Variants in ARFGAP1 observed in about 807,000 individuals in gnomAD.
The protein encoded by ARFGAP1 is ADP-ribosylation factor GTPase-activating protein 1.
In ARFGAP1, 26 loss-of-function variants were observed where a neutral mutation model predicts 54.0. That is an observed-to-expected ratio of 0.48 (90% CI 0.35 to 0.67). ARFGAP1 has a LOEUF of 0.67. Ranked by LOEUF, ARFGAP1 falls within the 30% of genes least tolerant of loss-of-function variation. The pLI, the probability that ARFGAP1 is intolerant of heterozygous loss-of-function variation, is 0.00. For synonymous variants in ARFGAP1, 248 were observed against 211.9 expected, an observed-to-expected ratio of 1.17 and a Z score of -1.48; for missense variants, 525 against 535.8, an observed-to-expected ratio of 0.98 and a Z score of 0.20.
chr20:63,278,947 G>A lies in ARFGAP1; in HGVS notation c.579G>A (p.Gln193=), dbSNP rs1352946546. 3.1e-6 allele frequency: 5 copies of A among 1,614,134 alleles called. No individual in the cohort carries two copies. In the South Asian group the frequency reaches 4.4e-5, roughly 14 times the overall value. ...YVGFGNTPPP[Q]KKEDDFLNNA... is the part of the protein sequence containing the mutation. ...GGTTTGGGAACACGCCACCGCCTCA[G>A]AAGAAAGAAGATGACTTCCTCAACA... The change falls in exon 7 of 13, where the codon CAG becomes CAA. Residue 193 remains glutamine (Q), a synonymous_variant. Transcript: ENST00000370283.
rs989860261 is a variant in ARFGAP1, at chr20:63,276,147, C to A, written c.117C>A (p.Ile39=). 2 of 1,613,968 alleles carry A rather than the reference C, an allele frequency of 1.2e-6. No individual in the cohort carries two copies. The highest frequency in any genetic ancestry group is 2.7e-5 in the African/African-American group (2 of 74,936). The change falls in exon 3 of 13, where the codon ATC becomes ATA. Residue 39 remains isoleucine (I), a synonymous_variant. Transcript: ENST00000370283. The surrounding 1 kb of genome is among the most constrained non-coding windows in gnomAD (Gnocchi z 5.2). ...AGTGGGTCAGTGTGACCTACGGCAT[C>A]TGGATCTGCCTGGAGTGCTCGGGGA... The part of the protein sequence containing the change: ...NPQWVSVTYG[I]WICLECSGRH...
Position 63,287,606 on chromosome 20 carries a change from C to T in ARFGAP1, c.954C>T (p.His318=), listed in dbSNP as rs1332305400. The T allele has an allele frequency of 1.2e-6, 2 of 1,611,218 alleles. No homozygotes were observed. Among genetic ancestry groups the T allele is most frequent in the Admixed American group, 1.7e-5 (1 of 59,912 alleles). Residue 318 remains histidine, a synonymous_variant, in exon 13 of 13, where the codon CAC becomes CAT. Transcript: ENST00000370283. ...GHSYQNSGLD[H]FQNSNIDQSF... is the part of the protein sequence containing the mutation. ...GTTATCAGAACAGCGGTCTGGACCA[C>T]TTCCAAAACAGCAACATAGACCAGA...
Position 63,276,799 on chromosome 20 carries a change from G to C in ARFGAP1, c.342+148G>C. On this transcript the variant is annotated intron_variant, in intron 4 of 12. Coordinates refer to ENST00000370283, the MANE Select transcript of ARFGAP1 (RefSeq NM_018209.4). The surrounding 1 kb of genome is among the most constrained non-coding windows in gnomAD (Gnocchi z 5.2). ...GGGCCACACACAACTTGCCGCCCTG[G>C]AGCAGAGGCTTCCTGCCCAGAGGGG... The C allele has an allele frequency of 1.1e-6, 1 of 941,622 alleles. No homozygotes were observed. Among genetic ancestry groups the C allele is most frequent in the Non-Finnish European group, 1.5e-6 (1 of 652,082 alleles). The allele number at this position is 941,622 out of a possible 1,614,324, so 58.3% of individuals were successfully genotyped here. A position where few individuals can be genotyped will look rare whatever the true frequency, so the allele number is the denominator to read the frequency against.
At chr20:63,284,367 CCGTGT>C in intron 9 of ARFGAP1, 1 of 1,063,294 alleles carries the variant, frequency 9.4e-7, no homozygotes. Flanking sequence ...CCCCAGGTGG[CCGTGT>C]GGCCTCGACT....
chr20:63,279,684 G>C (rs1020400611), intron 7 of ARFGAP1, among the ~76,000 whole-genome samples: 1 of 152,182 alleles, frequency 6.6e-6, no homozygotes, highest in Non-Finnish European at 1.5e-5. Context: ...AGTTGCTCGG[G>C]TGCTGCCTGA....
At chr20:63,284,146 AC>A in intron 9 of ARFGAP1, 1 of 1,324,160 alleles carries the variant, frequency 7.6e-7, no homozygotes, top group Non-Finnish European at 9.6e-7. Flanking sequence ...AAACACACAG[AC>A]CCCCAACGCA....
chr20:63,276,033 T>G lies in ARFGAP1; in HGVS notation c.61-58T>G, dbSNP rs2067227187. 2.6e-6 allele frequency: 4 copies of G among 1,535,296 alleles called. No homozygotes were observed. The Admixed American group carries it at 6.7e-5, about 26-fold the overall frequency. ...TCCTTGAGGCCACCTGTCGGGTCTT[T>G]GGGGTCCCTGGGCTCTGCCCTGAGC... On this transcript the variant is annotated intron_variant, in intron 2 of 12. Coordinates refer to ENST00000370283, the MANE Select transcript of ARFGAP1 (RefSeq NM_018209.4). The surrounding 1 kb of genome is among the most constrained non-coding windows in gnomAD (Gnocchi z 5.2).
At chr20:63,285,844 G>A (rs2067521477) in intron 11 of ARFGAP1, 131 bp downstream of exon 11, 6 of 1,462,402 alleles carry the variant, frequency 4.1e-6, no homozygotes, top group Non-Finnish European at 5.6e-6. Context: ...CCTCTGAGAC[G>A]GGAGGAGAGC....
At chr20:63,281,242 G>C (rs761726194) in intron 7 of ARFGAP1, 49 bp from the exon 8 acceptor site, 1 of 1,557,742 alleles carries the variant, frequency 6.4e-7, no homozygotes, top group Admixed American at 1.9e-5. Flanking sequence ...TCAGCGCCGG[G>C]TTCCTGGGTC....
At chr20:63,281,179 G>A (rs1158267370) in intron 7 of ARFGAP1, 112 bp from the exon 8 acceptor site, 11 of 1,175,254 alleles carry the variant, frequency 9.4e-6, no homozygotes, top group East Asian at 7.8e-5. Flanking sequence ...AGGATGGGAC[G>A]GGGGCCTGGG....
intron 9 of ARFGAP1, chr20:63,284,112 A>G (rs1396758794): frequency 1.5e-6 from 2 of 1,333,110 alleles, no homozygotes; most frequent in Non-Finnish European, 1.9e-6. Flanking sequence ...CCCCCCGGGC[A>G]AAAAAATGAG....
chr20:63,276,755 T>G lies in ARFGAP1; in HGVS notation c.342+104T>G. Reference sequence around the variant, plus strand: ...GTGGTTCTGGAGTCGGTTCTTCTGCTGGTTCTGACACACCCACTGGGCCAC... The same window carrying G: ...GTGGTTCTGGAGTCGGTTCTTCTGCGGGTTCTGACACACCCACTGGGCCAC... On this transcript the variant is annotated intron_variant, in intron 4 of 12. Coordinates refer to ENST00000370283, the MANE Select transcript of ARFGAP1 (RefSeq NM_018209.4). This position sits in a 1 kb window ranked among gnomAD's most constrained non-coding sequence, Gnocchi z 5.2. 1 of 1,321,922 alleles carries G rather than the reference T, an allele frequency of 7.6e-7. No homozygotes were observed. The highest frequency in any genetic ancestry group is 2.5e-5 in the East Asian group (1 of 40,074). 81.9% of individuals were successfully genotyped at this position (1,321,922 alleles called of 1,614,324 possible).
At position 63,275,660 on chromosome 20, in the gene ARFGAP1, C is replaced by G. The variant is rs372285560; in HGVS notation, c.60+20C>G. The G allele has an allele frequency of 3.7e-6, 6 of 1,610,188 alleles. No individual in the cohort carries two copies. Among genetic ancestry groups the G allele is most frequent in the Non-Finnish European group, 5.1e-6 (6 of 1,176,936 alleles). On this transcript the variant is annotated intron_variant, in intron 2 of 12. Coordinates refer to ENST00000370283, the MANE Select transcript of ARFGAP1 (RefSeq NM_018209.4). The stretch of plus-strand genomic sequence containing the variant: ...AACAACGTAAGCCTCTGCCCCCCAC[C>G]CCCCGCCCTAAGGCTTGGTCAGGGT...
Position 63,276,181 on chromosome 20 carries a change from G to A in ARFGAP1, c.151G>A (p.Gly51Arg), listed in dbSNP as rs1555818132. The A allele has an allele frequency of 4.3e-6, 7 of 1,613,798 alleles. No individual in the cohort carries two copies. The highest frequency in any genetic ancestry group is 5.1e-6 in the Non-Finnish European group (6 of 1,180,014). ...ICLECSGRHR[G>R]LGVHLSFVRS... is the part of the protein sequence containing the mutation. ...CCTGGAGTGCTCGGGGAGACACCGCGGGCTTGGGGTTCACCTCAGGTCAGT... is the reference window on the plus strand; with the variant it reads ...CCTGGAGTGCTCGGGGAGACACCGCAGGCTTGGGGTTCACCTCAGGTCAGT... Residue 51 changes from glycine to arginine, a missense_variant, in exon 3 of 13, where the codon GGG becomes AGG. Transcript: ENST00000370283. This position sits in a 1 kb window ranked among gnomAD's most constrained non-coding sequence, Gnocchi z 5.2.
In ARFGAP1 at chr20:63,272,853, A is replaced by C. The variant is rs986239110; in HGVS notation, c.-72A>C. 2.0e-5 allele frequency: 3 copies of C among 152,026 alleles called. No homozygotes were observed. The highest frequency in any genetic ancestry group is 2.4e-5 in the African/African-American group (1 of 41,368). The allele number at this position is 152,026 out of a possible 1,614,324, so 9.4% of individuals were successfully genotyped here. A position where few individuals can be genotyped will look rare whatever the true frequency, so the allele number is the denominator to read the frequency against. On this transcript the variant is annotated 5_prime_UTR_variant, in exon 1 of 13. Transcript: ENST00000370283. ...CTGGTGGGCGACCGGGCGCATCCTC[A>C]TTGCAGTGCGGCGGCCCTACCTCGG...
At position 63,282,813 on chromosome 20, in the gene ARFGAP1, T is replaced by C; in HGVS notation, c.685-6T>C. ...TGTCAAGCCTTGTCTTTGTTTTTCA[T>C]TTTAGGCTACAAAGTTTGGATCCCA... On this transcript the variant is annotated splice_polypyrimidine_tract_variant and splice_region_variant and intron_variant, in intron 8 of 12. Coordinates refer to ENST00000370283, the MANE Select transcript of ARFGAP1 (RefSeq NM_018209.4). 1 of 1,614,052 alleles carries C rather than the reference T, an allele frequency of 6.2e-7. No homozygotes were observed. Among genetic ancestry groups the C allele is most frequent in the Non-Finnish European group, 8.5e-7 (1 of 1,179,988 alleles).
chr20:63,287,656 C>T lies in ARFGAP1; in HGVS notation c.1004C>T (p.Ala335Val), dbSNP rs143636612. The change falls in exon 13 of 13, where the codon GCT becomes GTT. Residue 335 changes from alanine (A) to valine (V), a missense_variant. By Grantham distance (64) the Ala-to-Val change is moderately conservative. Around this residue, in one of 3 missense-constraint regions of ARFGAP1, gnomAD observed 466 missense variants for 453.6 expected, o/e 1.03. Transcript: ENST00000370283. ...AGCTTCTGGGAGACCTTTGGAAGTG[C>T]TGAGCCCACCAAGACCCGCAAGTCC... ...DQSFWETFGSAEPTKTRKSPS... is the reference protein window; with the variant it reads ...DQSFWETFGSVEPTKTRKSPS... 3 of 1,612,596 alleles carry T rather than the reference C, an allele frequency of 1.9e-6. No homozygotes were observed. The highest frequency in any genetic ancestry group is 2.5e-6 in the Non-Finnish European group (3 of 1,179,930).
In ARFGAP1 at chr20:63,288,691, G is replaced by C. The variant is rs971169729; in HGVS notation, c.*818G>C. 2.8e-6 allele frequency: 1 copy of C among 363,424 alleles called. No individual in the cohort carries two copies. Among genetic ancestry groups the C allele is most frequent in the Non-Finnish European group, 5.5e-6 (1 of 181,790 alleles). 22.5% of individuals were successfully genotyped at this position (363,424 alleles called of 1,614,324 possible). Reference sequence around the variant, plus strand: ...GGCCGGGTTCAGGAGCTGAGCAGGGGATGCCTGTGCGTGGTGCCTGGGTCT... The same window carrying C: ...GGCCGGGTTCAGGAGCTGAGCAGGGCATGCCTGTGCGTGGTGCCTGGGTCT... On this transcript the variant is annotated 3_prime_UTR_variant, in exon 13 of 13. Coordinates refer to ENST00000370283, the MANE Select transcript of ARFGAP1 (RefSeq NM_018209.4).
At position 63,287,788 on chromosome 20, in the gene ARFGAP1, ACGG is replaced by A; in HGVS notation, c.1140_1142del (p.Gly381del). 2 of 1,604,664 alleles carry A rather than the reference ACGG, an allele frequency of 1.2e-6. No individual in the cohort carries two copies. The highest frequency in any genetic ancestry group is 1.7e-6 in the Non-Finnish European group (2 of 1,176,238). ...TCCACCAACAGGAACAGCAACAGCG[ACGG>A]CGGGGAGGGCGGGGAGGGCACCAAG... is the stretch of plus-strand genomic sequence containing the variant. On this transcript the variant is annotated inframe_deletion, in exon 13 of 13. Transcript: ENST00000370283.
Sources: allele counts gnomAD v4.1 joint callset (sites outside exome capture counted in the v4.1 genomes callset), GRCh38; gene constraint gnomAD v4.1.1; regional missense constraint gnomAD v4.1.1; non-coding constraint Gnocchi (gnomAD v3.1); transcripts MANE v1.5; gene names NCBI Gene and HGNC (gene_info 2026-07-23, HGNC 2026-07-21).